Variants in DNAJC1 observed in about 807,000 individuals in gnomAD.
The protein encoded by DNAJC1 is dnaJ homolog subfamily C member 1.
A neutral mutation model predicts 76.6 loss-of-function variants in DNAJC1; 58 were observed. The observed-to-expected ratio is 0.76, with a 90% CI of 0.61 to 0.94. The LOEUF (loss-of-function observed/expected upper bound fraction) is 0.94. Among genes scored for constraint, DNAJC1 ranks in the 40% least tolerant of loss-of-function variants. The pLI, the probability that DNAJC1 is intolerant of heterozygous loss-of-function variation, is 0.00. For synonymous variants in DNAJC1, 258 were observed against 267.9 expected, an observed-to-expected ratio of 0.96 and a Z score of 0.36; for missense variants, 689 against 677.3, an observed-to-expected ratio of 1.02 and a Z score of -0.19.
chr10:21,929,746 A>G (rs755723622), intron 1 of DNAJC1, among the ~76,000 whole-genome samples: 7 of 152,176 alleles, frequency 4.6e-5, no homozygotes, highest in East Asian at 1.9e-4. Flanking sequence ...GGTATTTTCA[A>G]TGTTGGCCAG....
At chr10:21,944,176 T>TA (rs1302363274) in intron 1 of DNAJC1, among the ~76,000 whole-genome samples, 6 of 151,658 alleles carry the variant, frequency 4.0e-5, no homozygotes. Context: ...AAAGGTTTTT[T>TA]TTTTTTCATA....
At chr10:21,940,103 G>A (rs1238382999) in intron 1 of DNAJC1, among the ~76,000 whole-genome samples, 2 of 152,060 alleles carry the variant, frequency 1.3e-5, no homozygotes, top group Admixed American at 6.5e-5. Context: ...ATTCATCACA[G>A]TATCTTCAGG....
intron 9 of DNAJC1, among the ~76,000 whole-genome samples, chr10:21,767,831 C>T (rs1276850976): frequency 2.0e-5 from 3 of 152,088 alleles, no homozygotes; most frequent in African/African-American, 4.8e-5. Context: ...CCTGTCTCTA[C>T]TAAAAATACA....
At chr10:21,872,694 A>G (rs913913543) in intron 8 of DNAJC1, among the ~76,000 whole-genome samples, 2 of 152,224 alleles carry the variant, frequency 1.3e-5, no homozygotes, top group Non-Finnish European at 2.9e-5. Flanking sequence ...GCATATCAAT[A>G]TATGAACAAT....
At chr10:21,977,886 A>T (rs752749817) in intron 1 of DNAJC1, among the ~76,000 whole-genome samples, 1 of 152,146 alleles carries the variant, frequency 6.6e-6, no homozygotes, top group Non-Finnish European at 1.5e-5. Flanking sequence ...CAGAAAAATA[A>T]TAAGTAAATT....
At chr10:21,948,799 C>T (rs1837548223) in intron 1 of DNAJC1, among the ~76,000 whole-genome samples, 1 of 152,110 alleles carries the variant, frequency 6.6e-6, no homozygotes, top group South Asian at 2.1e-4. Flanking sequence ...ACATTAGGAA[C>T]CCAGTTAAGG....
chr10:21,967,227 A>G (rs1459018014), intron 1 of DNAJC1, among the ~76,000 whole-genome samples: 2 of 152,172 alleles, frequency 1.3e-5, no homozygotes, highest in African/African-American at 4.8e-5. Context: ...ACCCAACTGC[A>G]GGCAAACATT....
intron 9 of DNAJC1, among the ~76,000 whole-genome samples, chr10:21,802,384 A>T (rs1042684017): frequency 1.3e-5 from 2 of 152,276 alleles, no homozygotes; most frequent in East Asian, 1.9e-4. Context: ...CATAATGCTT[A>T]TTTTCCATGG....
At chr10:21,969,604 T>C (rs1837946411) in intron 1 of DNAJC1, among the ~76,000 whole-genome samples, 1 of 152,222 alleles carries the variant, frequency 6.6e-6, no homozygotes, top group South Asian at 2.1e-4. Flanking sequence ...ACAAGCGTTA[T>C]AAATAATATA....
intron 8 of DNAJC1, among the ~76,000 whole-genome samples, chr10:21,815,890 C>T (rs1835067141): frequency 6.6e-6 from 1 of 151,606 alleles, no homozygotes; most frequent in South Asian, 2.1e-4. Flanking sequence ...GGATCACAGG[C>T]CCGCCACCAC....
chr10:21,780,383 T>C (rs1834511557), intron 9 of DNAJC1, among the ~76,000 whole-genome samples: 1 of 152,190 alleles, frequency 6.6e-6, no homozygotes, highest in South Asian at 2.1e-4. Flanking sequence ...CCCATCAGAC[T>C]AACAGCTGAT....
intron 7 of DNAJC1, among the ~76,000 whole-genome samples, chr10:21,886,583 T>C (rs1310796728): frequency 6.6e-6 from 1 of 152,082 alleles, no homozygotes; most frequent in Non-Finnish European, 1.5e-5. Context: ...TACAAAATAT[T>C]TGCAAACTGA....
At chr10:21,975,464 T>C (rs895449709) in intron 1 of DNAJC1, among the ~76,000 whole-genome samples, 3 of 152,118 alleles carry the variant, frequency 2.0e-5, no homozygotes, top group Non-Finnish European at 4.4e-5. Flanking sequence ...GCCTAACAAC[T>C]GGTAAACTGA....
chr10:21,950,107 C>T (rs1181775201), intron 1 of DNAJC1, among the ~76,000 whole-genome samples: 1 of 151,872 alleles, frequency 6.6e-6, no homozygotes. Flanking sequence ...CACAATCCAC[C>T]TCACTTTATT....
At chr10:21,907,631 G>A (rs1590043122) in intron 6 of DNAJC1, among the ~76,000 whole-genome samples, 1 of 152,094 alleles carries the variant, frequency 6.6e-6, no homozygotes, top group East Asian at 1.9e-4. Context: ...AGGCAAGAAT[G>A]TTGTAAACTA....
intron 9 of DNAJC1, among the ~76,000 whole-genome samples, chr10:21,788,273 C>A (rs1461297924): frequency 6.6e-6 from 1 of 152,232 alleles, no homozygotes; most frequent in African/African-American, 2.4e-5. Context: ...TTTGCTGGAG[C>A]CCTGCATCCA....
At chr10:21,822,411 C>T (rs1262314025) in intron 8 of DNAJC1, among the ~76,000 whole-genome samples, 3 of 151,648 alleles carry the variant, frequency 2.0e-5, no homozygotes, top group South Asian at 2.1e-4. Flanking sequence ...TGCACTCCTG[C>T]CTGGGTGACA....
At chr10:21,991,392 C>T (rs1034135723) in intron 1 of DNAJC1, among the ~76,000 whole-genome samples, 3 of 152,166 alleles carry the variant, frequency 2.0e-5, no homozygotes, top group African/African-American at 7.2e-5. Flanking sequence ...CAAGCCTATG[C>T]ATGGAAGTTC....
intron 6 of DNAJC1, among the ~76,000 whole-genome samples, chr10:21,907,255 C>T (rs1310490183): frequency 6.6e-6 from 1 of 152,092 alleles, no homozygotes; most frequent in African/African-American, 2.4e-5. Context: ...GTTTCAGTCA[C>T]TATTTTTATC....
Sources: allele counts gnomAD v4.1 joint callset (sites outside exome capture counted in the v4.1 genomes callset), GRCh38; gene constraint gnomAD v4.1.1; transcripts MANE v1.5; gene names NCBI Gene and HGNC (gene_info 2026-07-23, HGNC 2026-07-21).